NALCN: variants seen among roughly 807,000 people sequenced by gnomAD.
NALCN encodes sodium leak channel NALCN.
NALCN carries 111 observed loss-of-function variants against 225.3 expected under a neutral mutation model. That is an observed-to-expected ratio of 0.49 (90% CI 0.42 to 0.58). NALCN has a LOEUF of 0.58. Among genes scored for constraint, NALCN ranks in the 20% least tolerant of loss-of-function variants. NALCN has a pLI of 0.00. For synonymous variants in NALCN, 764 were observed against 769.0 expected, an observed-to-expected ratio of 0.99 and a Z score of 0.11; for missense variants, 1,378 against 2,202.4, an observed-to-expected ratio of 0.63 and a Z score of 7.49.
chr13:101,345,283 C>T lies in NALCN; in HGVS notation c.782G>A (p.Ser261Asn). Residue 261 changes from serine to asparagine, a missense_variant, in exon 7 of 44, where the codon AGT (serine) becomes AAT (asparagine). Around this residue, in one of 19 missense-constraint regions of NALCN, gnomAD observed 67 missense variants for 82.1 expected, o/e 0.82. Coordinates refer to ENST00000251127, the MANE Select transcript of NALCN (RefSeq NM_052867.4). The part of the protein sequence containing the change: ...LGLSRQELGY[S>N]GFNEIGTSIF... ...AGACAGACCTATCTCATTAAAGCCA[C>T]TGTAGCCCAGCTCTTGCCTGCTAAG... 2.5e-6 allele frequency: 4 copies of T among 1,613,652 alleles called. No individual in the cohort carries two copies. The highest frequency in any genetic ancestry group is 3.4e-6 in the Non-Finnish European group (4 of 1,179,694).
At chr13:101,273,834 A>C (rs975720701) in intron 10 of NALCN, among the ~76,000 whole-genome samples, 1 of 150,400 alleles carries the variant, frequency 6.6e-6, no homozygotes, top group Non-Finnish European at 1.5e-5. Flanking sequence ...TCAGTGAGCC[A>C]AGATCACGCC....
intron 14 of NALCN, among the ~76,000 whole-genome samples, chr13:101,187,523 C>T (rs1176314677): frequency 3.9e-5 from 6 of 152,062 alleles, no homozygotes; most frequent in Non-Finnish European, 8.8e-5. Context: ...AGATTAATAT[C>T]CAACAAATAT....
intron 7 of NALCN, among the ~76,000 whole-genome samples, chr13:101,307,460 A>G (rs530386381): frequency 2.3e-4 from 35 of 152,286 alleles, no homozygotes; most frequent in South Asian, 6.2e-4. Context: ...ATGAGACTAA[A>G]CACATCCCTG....
chr13:101,183,319 C>T, intron 14 of NALCN, among the ~76,000 whole-genome samples: 1 of 152,186 alleles, frequency 6.6e-6, no homozygotes, highest in Admixed American at 6.5e-5. Flanking sequence ...TTTACAGGGA[C>T]TTGCCACATT....
chr13:101,103,427 AT>A lies in NALCN; in HGVS notation c.2890-89del, dbSNP rs1470100251. 1.2e-5 allele frequency: 17 copies of A among 1,444,034 alleles called. No homozygotes were observed. The East Asian group carries it at 3.5e-4, about 30-fold the overall frequency. The allele number at this position is 1,444,034 out of a possible 1,614,324, so 89.5% of individuals were successfully genotyped here. On this transcript the variant is annotated intron_variant, in intron 25 of 43. Coordinates refer to ENST00000251127, the MANE Select transcript of NALCN (RefSeq NM_052867.4). Reference sequence around the variant, plus strand: ...GACAGCCGACTGGCCACAACTTTTCATTTAGCAGAGATTCCACTCACTGGTT... The same window carrying A: ...GACAGCCGACTGGCCACAACTTTTCATTAGCAGAGATTCCACTCACTGGTT...
At chr13:101,100,741 G>C in intron 27 of NALCN, 43 bp downstream of exon 27, 1 of 1,511,974 alleles carries the variant, frequency 6.6e-7, no homozygotes, top group Non-Finnish European at 9.0e-7. Context: ...CACCACACTT[G>C]GCCCTTAATT....
At chr13:101,225,804 C>T (rs1390633159) in intron 13 of NALCN, among the ~76,000 whole-genome samples, 1 of 152,180 alleles carries the variant, frequency 6.6e-6, no homozygotes, top group Non-Finnish European at 1.5e-5. Flanking sequence ...GAAACAAAAT[C>T]CTAACATGGA....
At chr13:101,342,448 A>C (rs1384750558) in intron 7 of NALCN, among the ~76,000 whole-genome samples, 1 of 152,238 alleles carries the variant, frequency 6.6e-6, no homozygotes, top group Non-Finnish European at 1.5e-5. Flanking sequence ...AACTGCCTGC[A>C]GAAATGAGGG....
intron 10 of NALCN, among the ~76,000 whole-genome samples, chr13:101,266,760 T>C (rs1029944394): frequency 6.6e-6 from 1 of 152,210 alleles, no homozygotes; most frequent in Non-Finnish European, 1.5e-5. Flanking sequence ...AAGGACACAA[T>C]GTAAAAGACC....
At chr13:101,095,734 A>G in intron 27 of NALCN, 54 bp from the exon 28 acceptor site, 1 of 1,410,088 alleles carries the variant, frequency 7.1e-7, no homozygotes, top group Non-Finnish European at 9.9e-7. Flanking sequence ...ATGAACTCAG[A>G]AAAGATAAAG....
At chr13:101,115,793 G>A (rs747848881) in intron 18 of NALCN, among the ~76,000 whole-genome samples, 1 of 152,098 alleles carries the variant, frequency 6.6e-6, no homozygotes, top group Non-Finnish European at 1.5e-5. Flanking sequence ...GAAAGACTGG[G>A]TAGTGTCAGG....
chr13:101,095,534 A>G (rs1309313503), intron 28 of NALCN, 40 bp downstream of exon 28: 4 of 1,514,964 alleles, frequency 2.6e-6, no homozygotes, highest in Non-Finnish European at 2.7e-6. Context: ...ATACTGACAA[A>G]CACACCATTC....
At chr13:101,308,391 C>A (rs969968346) in intron 7 of NALCN, among the ~76,000 whole-genome samples, 1 of 152,184 alleles carries the variant, frequency 6.6e-6, no homozygotes, top group Admixed American at 6.5e-5. Flanking sequence ...TCCCTTCCAC[C>A]AGCTAGAAAT....
rs144318657 is a variant in NALCN, at chr13:101,176,586, T to C, written c.1765-212A>G. Among the ~76,000 whole-genome samples the C allele has an allele frequency of 7.9e-3, 1,209 of 152,326 alleles. 14 individuals carry two copies. The highest frequency in any genetic ancestry group is 0.05 in the South Asian group (243 of 4,820). ...ACGTTCATTGAAATAATATGTTAAC[T>C]TGCTTTATGAAACCAACTTACTTAA... is the stretch of plus-strand genomic sequence containing the variant. On this transcript the variant is annotated intron_variant, in intron 14 of 43. Coordinates refer to ENST00000251127, the MANE Select transcript of NALCN (RefSeq NM_052867.4).
chr13:101,306,697 C>G (rs961433809), intron 7 of NALCN, among the ~76,000 whole-genome samples: 1 of 152,210 alleles, frequency 6.6e-6, no homozygotes, highest in African/African-American at 2.4e-5. Flanking sequence ...TGCTGTGGGT[C>G]AGGCTTGGCT....
At chr13:101,196,062 C>A (rs922183783) in intron 13 of NALCN, among the ~76,000 whole-genome samples, 3 of 152,174 alleles carry the variant, frequency 2.0e-5, no homozygotes, top group Non-Finnish European at 4.4e-5. Flanking sequence ...CCCTCCAAGA[C>A]TCTATTAGAC....
intron 12 of NALCN, 136 bp from the exon 13 acceptor site, chr13:101,229,720 T>C (rs1473279464): frequency 4.5e-6 from 3 of 673,760 alleles, no homozygotes; most frequent in Non-Finnish European, 6.6e-6. Context: ...ATCTAGTGAC[T>C]AAAATTAACA....
chr13:101,061,021 A>G (rs2031888554), intron 41 of NALCN, among the ~76,000 whole-genome samples: 1 of 152,192 alleles, frequency 6.6e-6, no homozygotes, highest in African/African-American at 2.4e-5. Flanking sequence ...AGAGGATTGA[A>G]ACAATCTCTG....
chr13:101,238,932 T>C (rs965170841), intron 11 of NALCN, among the ~76,000 whole-genome samples: 7 of 151,994 alleles, frequency 4.6e-5, no homozygotes, highest in African/African-American at 1.7e-4. Flanking sequence ...AATTTAGATG[T>C]GAAGAGGAAA....
Sources: gnomAD v4.1 joint callset for allele counts (sites outside exome capture counted in the v4.1 genomes callset) on GRCh38, gnomAD v4.1.1 for gene constraint, gnomAD v4.1.1 regional missense constraint, MANE v1.5 for transcripts, NCBI Gene and HGNC (gene_info 2026-07-23, HGNC 2026-07-21) for gene names.